Variants in MID1 observed in about 807,000 individuals in gnomAD.
The protein encoded by MID1 is midline 1, also known as E3 ubiquitin-protein ligase Midline-1.
MID1 carries 7 observed loss-of-function variants against 40.4 expected under a neutral mutation model. The ratio of observed to expected loss-of-function variants is 0.17; its 90% CI spans 0.10 to 0.33. The LOEUF is 0.33. Among genes scored for constraint, MID1 ranks in the 10% least tolerant of loss-of-function variants. The pLI is 1.00. For synonymous variants in MID1, 229 were observed against 221.2 expected, an observed-to-expected ratio of 1.04 and a Z score of -0.31; for missense variants, 367 against 558.5, an observed-to-expected ratio of 0.66 and a Z score of 3.46.
In MID1 at chrX:10,575,474, G is replaced by T. The variant is rs146785703; in HGVS notation, c.-56-7871C>A. ...TCTAACACAAACTCAATAAAAACTG[G>T]CTGCTACATCCAAGATGAATTCATC... On this transcript the variant is annotated intron_variant, in intron 1 of 9. Coordinates refer to ENST00000317552, the MANE Select transcript of MID1 (RefSeq NM_000381.4). Among the ~76,000 whole-genome samples the T allele has an allele frequency of 4.5e-3, 507 of 111,996 alleles. 3 individuals carry two copies. The highest frequency in any genetic ancestry group is 0.015 in the African/African-American group (464 of 30,878).
intron 1 of MID1, among the ~76,000 whole-genome samples, chrX:10,592,538 A>C: frequency 9.0e-6 from 1 of 110,818 alleles, no homozygotes; most frequent in South Asian, 3.8e-4. Flanking sequence ...GCTTAAAAAA[A>C]GGAAGATGGA....
At position 10,773,482 on chromosome X, in the gene MID1, C is replaced by T. The variant is rs770926548; in HGVS notation, c.-187+60072G>A. On this transcript the variant is annotated intron_variant, in intron 1 of 10. Coordinates refer to the MID1 transcript ENST00000380785. ...CTGTTAATGCAGCGCCTGTTTGGTT[C>T]CCAAGTGACATGTGTCTTATCTTAG... Among the ~76,000 whole-genome samples, 11 of 112,148 alleles carry T rather than the reference C, an allele frequency of 9.8e-5. No individual in the cohort carries two copies. The South Asian group carries it at 3.0e-3, about 30-fold the overall frequency.
intron 1 of MID1, among the ~76,000 whole-genome samples, chrX:10,697,805 C>T (rs1299336153): frequency 1.8e-5 from 2 of 111,527 alleles, no homozygotes; most frequent in Non-Finnish European, 3.8e-5. Flanking sequence ...ACATTTTGGA[C>T]TGTCCTGTGC....
chrX:10,726,826 C>G (rs1422679428), intron 1 of MID1, among the ~76,000 whole-genome samples: 1 of 112,595 alleles, frequency 8.9e-6, no homozygotes, highest in East Asian at 2.8e-4. Flanking sequence ...TAGTGTGGGC[C>G]AAGGAGCCAT....
chrX:10,669,509 C>T (rs1482500525), intron 1 of MID1, among the ~76,000 whole-genome samples: 1 of 112,005 alleles, frequency 8.9e-6, no homozygotes, highest in Non-Finnish European at 1.9e-5. Context: ...AACCCAGGGT[C>T]AGATACTCTG....
At chrX:10,717,069 G>A (rs1278916974) in intron 1 of MID1, among the ~76,000 whole-genome samples, 6 of 111,540 alleles carry the variant, frequency 5.4e-5, no homozygotes, top group Admixed American at 4.8e-4. Flanking sequence ...AGGAAAAACC[G>A]GTACCAGCCA....
At chrX:10,756,331 A>G (rs1232899896) in intron 1 of MID1, among the ~76,000 whole-genome samples, 2 of 112,923 alleles carry the variant, frequency 1.8e-5, no homozygotes, top group Non-Finnish European at 3.7e-5. Context: ...AATTAGAAAT[A>G]AAGACATTGC....
intron 4 of MID1, among the ~76,000 whole-genome samples, chrX:10,493,355 G>A (rs181478441): frequency 0.025 from 2,802 of 111,492 alleles, 97 homozygotes; most frequent in African/African-American, 0.086. Flanking sequence ...TTCCCCTAAA[G>A]CTTCCAGAAA....
intron 1 of MID1, among the ~76,000 whole-genome samples, chrX:10,807,237 T>A (rs2044054667): frequency 9.1e-6 from 1 of 109,993 alleles, no homozygotes; most frequent in Non-Finnish European, 1.9e-5. Context: ...AGAGCAAGGC[T>A]CTGTTTCAAA....
chrX:10,730,094 A>AT (rs2043433169), intron 1 of MID1, among the ~76,000 whole-genome samples: 1 of 106,647 alleles, frequency 9.4e-6, no homozygotes, highest in Non-Finnish European at 1.9e-5. Flanking sequence ...AAAAAAAAAA[A>AT]AATAAATAAA....
At chrX:10,697,029 C>T (rs1160348551) in intron 1 of MID1, among the ~76,000 whole-genome samples, 2 of 112,086 alleles carry the variant, frequency 1.8e-5, no homozygotes, top group East Asian at 2.8e-4. Context: ...TGGCTACCCT[C>T]CTGCCTCCAC....
At chrX:10,465,004 C>T (rs910841680) in intron 7 of MID1, among the ~76,000 whole-genome samples, 34 of 108,343 alleles carry the variant, frequency 3.1e-4, no homozygotes, top group Non-Finnish European at 4.6e-4. Context: ...GCCAACATGG[C>T]GAAATCCCAT....
intron 1 of MID1, among the ~76,000 whole-genome samples, chrX:10,773,207 A>C (rs2043781475): frequency 1.8e-5 from 2 of 112,139 alleles, no homozygotes; most frequent in African/African-American, 6.5e-5. Context: ...CTATTATCAG[A>C]TACTAAGGTG....
intron 1 of MID1, among the ~76,000 whole-genome samples, chrX:10,728,395 C>T (rs1054986291): frequency 3.6e-5 from 4 of 111,877 alleles, no homozygotes; most frequent in African/African-American, 6.5e-5. Flanking sequence ...GTTCAATAAA[C>T]GTTTATTGTT....
intron 4 of MID1, among the ~76,000 whole-genome samples, chrX:10,492,181 C>T (rs1347789943): frequency 9.0e-6 from 1 of 111,416 alleles, no homozygotes; most frequent in Non-Finnish European, 1.9e-5. Flanking sequence ...CTTAAGACTA[C>T]TTCTTTTAAA....
intron 3 of MID1, among the ~76,000 whole-genome samples, chrX:10,510,306 T>A (rs947835775): frequency 8.1e-5 from 9 of 111,379 alleles, no homozygotes; most frequent in African/African-American, 3.0e-4. Context: ...AACATTTCTA[T>A]CACCCTAGAA....
At chrX:10,462,117 G>A (rs1262728203) in intron 7 of MID1, among the ~76,000 whole-genome samples, 1 of 111,845 alleles carries the variant, frequency 8.9e-6, no homozygotes, top group East Asian at 2.8e-4. Flanking sequence ...TTTTTTCCTT[G>A]AAAATTAAAA....
chrX:10,803,139 C>T (rs2044020707), intron 1 of MID1, among the ~76,000 whole-genome samples: 1 of 110,212 alleles, frequency 9.1e-6, no homozygotes, highest in African/African-American at 3.3e-5. Context: ...ACAATAAACC[C>T]ATGCAACGAA....
chrX:10,616,511 G>C (rs935209963), intron 1 of MID1, among the ~76,000 whole-genome samples: 2 of 111,324 alleles, frequency 1.8e-5, no homozygotes, highest in Non-Finnish European at 3.8e-5. Context: ...TTTCACCAAC[G>C]CACAGCCCAG....
Sources: gnomAD v4.1 joint callset for allele counts (sites outside exome capture counted in the v4.1 genomes callset) on GRCh38, gnomAD v4.1.1 for gene constraint, MANE v1.5 for transcripts, NCBI Gene and HGNC (gene_info 2026-07-23, HGNC 2026-07-21) for gene names.